The following HDAC9 variants were observed in gnomAD, a reference collection of about 807,000 sequenced individuals.
HDAC9 encodes the protein histone deacetylase 9.
HDAC9 carries 41 observed loss-of-function variants against 139.4 expected under a neutral mutation model. The observed-to-expected ratio is 0.29, with a 90% CI of 0.23 to 0.38. The LOEUF (loss-of-function observed/expected upper bound fraction) is 0.38, where lower values mean the gene tolerates loss of function less well. Among genes scored for constraint, HDAC9 ranks in the 10% least tolerant of loss-of-function variants. The pLI, the probability that HDAC9 is intolerant of heterozygous loss-of-function variation, is 1.00. For missense variants in HDAC9, 1,147 were observed against 1,297.0 expected (o/e 0.88, Z 1.78); for synonymous variants, 517 against 476.2 (o/e 1.09, Z -1.12).
intron 23 of HDAC9, among the ~76,000 whole-genome samples, chr7:18,953,849 C>T (rs1782969214): frequency 1.3e-5 from 2 of 152,134 alleles, no homozygotes; most frequent in East Asian, 1.9e-4. Context: ...CAGGAACCTA[C>T]AAAAATTACA....
At chr7:18,167,348 A>G (rs1329479638) in intron 2 of HDAC9, among the ~76,000 whole-genome samples, 1 of 152,198 alleles carries the variant, frequency 6.6e-6, no homozygotes, top group African/African-American at 2.4e-5. Flanking sequence ...CAGTGCTTTA[A>G]TAAGTGAGGC....
intron 17 of HDAC9, among the ~76,000 whole-genome samples, chr7:18,814,978 T>A (rs10269422): frequency 0.45 from 68,704 of 152,040 alleles, 18,403 homozygotes; most frequent in African/African-American, 0.75. Context: ...TGAAAATATT[T>A]GTATTACTGT....
At chr7:18,167,340 G>T (rs2128130791) in intron 2 of HDAC9, among the ~76,000 whole-genome samples, 1 of 152,250 alleles carries the variant, frequency 6.6e-6, no homozygotes, top group East Asian at 1.9e-4. Flanking sequence ...TTGAAGGACA[G>T]TGCTTTAATA....
In HDAC9 at chr7:18,793,458, G is replaced by T; in HGVS notation, c.2322+6G>T. ...TGGCCTCAGGAGAGCTGAAGGTGAG[G>T]TCCGGGTTGCATTAAGTGTGGGAAA... On this transcript the variant is annotated splice_donor_region_variant and intron_variant, in intron 17 of 25. Transcript: ENST00000686413. The T allele has an allele frequency of 1.3e-6, 2 of 1,538,984 alleles. No homozygotes were observed. Among genetic ancestry groups the T allele is most frequent in the East Asian group, 2.4e-5 (1 of 41,864 alleles).
chr7:18,815,258 A>T (rs1794478541), intron 17 of HDAC9, among the ~76,000 whole-genome samples: 1 of 151,814 alleles, frequency 6.6e-6, no homozygotes, highest in Admixed American at 6.6e-5. Context: ...ATGACAAAAA[A>T]TATCTGATTT....
At chr7:18,201,690 C>T (rs1012316035) in intron 2 of HDAC9, among the ~76,000 whole-genome samples, 6 of 152,222 alleles carry the variant, frequency 3.9e-5, no homozygotes, top group African/African-American at 1.4e-4. Flanking sequence ...TTCAATGGCT[C>T]ACCTTCTGGT....
intron 1 of HDAC9, among the ~76,000 whole-genome samples, chr7:18,431,332 A>G (rs1790642041): frequency 1.3e-5 from 2 of 152,192 alleles, no homozygotes; most frequent in Non-Finnish European, 2.9e-5. Flanking sequence ...TATTCCTTGA[A>G]TCACTCCTCT....
chr7:18,928,486 C>T (rs1248747665), intron 22 of HDAC9, among the ~76,000 whole-genome samples: 1 of 152,122 alleles, frequency 6.6e-6, no homozygotes, highest in African/African-American at 2.4e-5. Context: ...CATAATAACA[C>T]TAGAATAAGA....
chr7:18,245,418 C>G (rs1336598373), intron 2 of HDAC9, among the ~76,000 whole-genome samples: 1 of 152,164 alleles, frequency 6.6e-6, no homozygotes, highest in Non-Finnish European at 1.5e-5. Flanking sequence ...ACCTCCTCTT[C>G]TCCTCCATCT....
chr7:18,563,075 A>G (rs957239507), intron 2 of HDAC9, among the ~76,000 whole-genome samples: 1 of 152,162 alleles, frequency 6.6e-6, no homozygotes, highest in East Asian at 1.9e-4. Flanking sequence ...TTTCATAAAT[A>G]TATTATGATA....
chr7:18,476,787 A>G (rs1225492577), intron 1 of HDAC9, among the ~76,000 whole-genome samples: 1 of 152,116 alleles, frequency 6.6e-6, no homozygotes, highest in Non-Finnish European at 1.5e-5. Context: ...ACAGGTCCCA[A>G]ATAGATTTTA....
At chr7:18,375,236 G>C (rs1784899700) in intron 1 of HDAC9, among the ~76,000 whole-genome samples, 1 of 152,184 alleles carries the variant, frequency 6.6e-6, no homozygotes, top group Non-Finnish European at 1.5e-5. Flanking sequence ...TTGGGAGGCT[G>C]AGGCAGGCGG....
chr7:18,879,745 G>C (rs1050888034), intron 22 of HDAC9, among the ~76,000 whole-genome samples: 2 of 152,084 alleles, frequency 1.3e-5, no homozygotes, highest in African/African-American at 4.8e-5. Flanking sequence ...CCTGGACATA[G>C]GTATTGGTAA....
intron 1 of HDAC9, among the ~76,000 whole-genome samples, chr7:18,145,741 T>C (rs1786266763): frequency 6.6e-6 from 1 of 152,136 alleles, no homozygotes; most frequent in South Asian, 2.1e-4. Context: ...ATAGAATGGA[T>C]GTGCTGAATC....
In HDAC9 at chr7:18,989,759, A is replaced by T. The variant is rs1381626039; in HGVS notation, c.3171-6264A>T. Among the ~76,000 whole-genome samples the T allele has an allele frequency of 5.2e-5, 4 of 77,216 alleles. No homozygotes were observed. The South Asian group carries it at 1.3e-3, about 24-fold the overall frequency. The allele number at this position is 77,216 out of a possible 152,430, so 50.7% of individuals were successfully genotyped here. On this transcript the variant is annotated intron_variant, in intron 25 of 25. Transcript: ENST00000686413. ...TTGGAGGCTTTGCTCATTTCTTCTT[A>T]TGCTTTTTTCTCTAAACTTCCCTTC... is the stretch of plus-strand genomic sequence containing the variant.
chr7:18,605,251 C>T (rs543537681), intron 6 of HDAC9, among the ~76,000 whole-genome samples: 91 of 152,234 alleles, frequency 6.0e-4, no homozygotes, highest in South Asian at 1.5e-3. Flanking sequence ...GATGGTAAGG[C>T]GTTGGACAGG....
intron 1 of HDAC9, among the ~76,000 whole-genome samples, chr7:18,457,556 G>C (rs990415084): frequency 6.6e-6 from 1 of 152,072 alleles, no homozygotes; most frequent in African/African-American, 2.4e-5. Flanking sequence ...ATTAGTTGCT[G>C]TCTGCCCCTG....
chr7:18,589,958 C>G (rs1830478794), intron 3 of HDAC9, among the ~76,000 whole-genome samples: 1 of 152,078 alleles, frequency 6.6e-6, no homozygotes, highest in Non-Finnish European at 1.5e-5. Flanking sequence ...TTCAGTTGTT[C>G]ATTTATAATG....
intron 2 of HDAC9, among the ~76,000 whole-genome samples, chr7:18,179,772 C>G (rs1789243247): frequency 6.6e-6 from 1 of 152,178 alleles, no homozygotes; most frequent in South Asian, 2.1e-4. Context: ...GTAAATCTCC[C>G]TTTGTCCCAG....
Sources: allele counts gnomAD v4.1 joint callset (sites outside exome capture counted in the v4.1 genomes callset), GRCh38; gene constraint gnomAD v4.1.1; transcripts MANE v1.5; gene names NCBI Gene and HGNC (gene_info 2026-07-23, HGNC 2026-07-21).